Variants in EFHC2 observed in about 807,000 individuals in gnomAD.
EFHC2 encodes EF-hand domain containing 2, also known as EF-hand domain-containing family member C2.
A neutral mutation model predicts 52.7 loss-of-function variants in EFHC2; 18 were observed. The ratio of observed to expected loss-of-function variants is 0.34; its 90% CI spans 0.24 to 0.51. The LOEUF is 0.51. Ranked by LOEUF, EFHC2 falls within the 20% of genes least tolerant of loss-of-function variation. The pLI, the probability that EFHC2 is intolerant of heterozygous loss-of-function variation, is 0.97. For missense variants in EFHC2, 513 were observed against 562.5 expected (o/e 0.91, Z 0.89); for synonymous variants, 203 against 204.1 (o/e 0.99, Z 0.04).
intron 11 of EFHC2, among the ~76,000 whole-genome samples, chrX:44,227,077 T>C (rs2037238899): frequency 9.1e-6 from 1 of 109,838 alleles, no homozygotes; most frequent in Non-Finnish European, 1.9e-5. Flanking sequence ...AACACCCTAT[T>C]GTTTGCCAGA....
chrX:44,340,007 T>C (rs146598098), intron 1 of EFHC2, among the ~76,000 whole-genome samples: 29 of 111,690 alleles, frequency 2.6e-4, no homozygotes, highest in African/African-American at 9.1e-4. Flanking sequence ...GGTACTGTCA[T>C]TCTCTAGTAC....
intron 12 of EFHC2, among the ~76,000 whole-genome samples, chrX:44,176,769 A>G (rs2147278464): frequency 8.9e-6 from 1 of 112,308 alleles, no homozygotes; most frequent in Admixed American, 9.4e-5. Flanking sequence ...AGCCTCCAAC[A>G]CAAGTATGAT....
chrX:44,152,175 C>G (rs1246011362), intron 14 of EFHC2, among the ~76,000 whole-genome samples: 2 of 111,572 alleles, frequency 1.8e-5, no homozygotes, highest in Non-Finnish European at 3.8e-5. Flanking sequence ...TACTACATGG[C>G]TGATACTCTT....
At chrX:44,247,950 C>T (rs1446031663) in intron 7 of EFHC2, among the ~76,000 whole-genome samples, 2 of 111,654 alleles carry the variant, frequency 1.8e-5, no homozygotes, top group Middle Eastern at 4.2e-3. Context: ...ATTTCCATTT[C>T]GATTGCTAAA....
chrX:44,198,485 A>G, intron 11 of EFHC2, among the ~76,000 whole-genome samples: 1 of 111,687 alleles, frequency 9.0e-6, no homozygotes, highest in Middle Eastern at 4.6e-3. Context: ...TCTAGTCAGT[A>G]TTTTCCCCAG....
intron 2 of EFHC2, among the ~76,000 whole-genome samples, chrX:44,292,209 T>TAC (rs747764616): frequency 0.021 from 2,306 of 109,525 alleles, 60 homozygotes; most frequent in African/African-American, 0.071. Flanking sequence ...ATTTATCACA[T>TAC]ACACACACAC....
At chrX:44,165,173 C>T (rs968164421) in intron 13 of EFHC2, among the ~76,000 whole-genome samples, 3 of 111,662 alleles carry the variant, frequency 2.7e-5, no homozygotes, top group African/African-American at 9.7e-5. Context: ...AAAGATTTTT[C>T]TCTTTTCTTC....
At chrX:44,258,283 T>C (rs2037508490) in intron 4 of EFHC2, among the ~76,000 whole-genome samples, 2 of 110,912 alleles carry the variant, frequency 1.8e-5, no homozygotes, top group South Asian at 7.5e-4. Context: ...AATTGACAAA[T>C]GGGATCTAAT....
intron 11 of EFHC2, among the ~76,000 whole-genome samples, chrX:44,211,489 T>C (rs1349579688): frequency 2.7e-5 from 3 of 110,435 alleles, no homozygotes; most frequent in African/African-American, 9.9e-5. Context: ...GATCGCACCA[T>C]TGCACTCCAG....
At chrX:44,317,969 T>G (rs1277421970) in intron 1 of EFHC2, among the ~76,000 whole-genome samples, 1 of 112,468 alleles carries the variant, frequency 8.9e-6, no homozygotes, top group Non-Finnish European at 1.9e-5. Flanking sequence ...GTTTGGCAGT[T>G]TCTCATTAAG....
chrX:44,195,946 A>G (rs1311925967), intron 11 of EFHC2, among the ~76,000 whole-genome samples: 1 of 111,106 alleles, frequency 9.0e-6, no homozygotes, highest in African/African-American at 3.3e-5. Flanking sequence ...ACAGGGTCTC[A>G]CTCTGTTGTC....
chrX:44,153,786 T>C (rs752421404), intron 14 of EFHC2, among the ~76,000 whole-genome samples: 1 of 112,474 alleles, frequency 8.9e-6, no homozygotes, highest in South Asian at 3.7e-4. Context: ...ACTGCCTAAT[T>C]GTACTTCCTA....
At chrX:44,261,816 T>A (rs1364224634) in intron 3 of EFHC2, among the ~76,000 whole-genome samples, 1 of 108,782 alleles carries the variant, frequency 9.2e-6, no homozygotes, top group Non-Finnish European at 1.9e-5. Context: ...AACATTGACT[T>A]AGAAGTTTCA....
intron 1 of EFHC2, among the ~76,000 whole-genome samples, chrX:44,322,430 C>A (rs2038027100): frequency 8.9e-6 from 1 of 111,989 alleles, no homozygotes; most frequent in African/African-American, 3.2e-5. Context: ...TTTCCCTGTT[C>A]ATGTTACCTG....
At chrX:44,149,313 C>G (rs1057014788) in intron 14 of EFHC2, among the ~76,000 whole-genome samples, 2 of 111,450 alleles carry the variant, frequency 1.8e-5, no homozygotes, top group African/African-American at 3.3e-5. Context: ...TTAGAATGAC[C>G]AAGGTGGATC....
chrX:44,258,178 A>G (rs942056582), intron 4 of EFHC2, among the ~76,000 whole-genome samples: 8 of 112,214 alleles, frequency 7.1e-5, no homozygotes, highest in African/African-American at 2.6e-4. Context: ...AAATCATAAA[A>G]ACTCTAAAGA....
intron 3 of EFHC2, among the ~76,000 whole-genome samples, chrX:44,261,754 CAAA>C (rs769527844): frequency 1.2e-4 from 4 of 32,482 alleles, no homozygotes; most frequent in Admixed American, 3.7e-4. Flanking sequence ...ACTCATGGCT[CAAA>C]AAAAAAAAAA....
At chrX:44,255,987 A>AG (rs753784824) in intron 4 of EFHC2, among the ~76,000 whole-genome samples, 1 of 112,044 alleles carries the variant, frequency 8.9e-6, no homozygotes, top group African/African-American at 3.2e-5. Flanking sequence ...AAACCGCACA[A>AG]TTGCATGCAA....
chrX:44,231,861 T>A lies in EFHC2; in HGVS notation c.1620+620A>T, dbSNP rs372910761. 1.2e-4 allele frequency among the ~76,000 whole-genome samples: 13 copies of A among 112,407 alleles called. No individual in the cohort carries two copies. In the South Asian group the frequency reaches 4.8e-3, roughly 42 times the overall value. ...AACTAGTCCACATTTAAAATCAAGA[T>A]TTTATCAATATGTTATTTTTACCGA... On this transcript the variant is annotated intron_variant, in intron 10 of 14. Transcript: ENST00000420999.
Sources: allele counts gnomAD v4.1 joint callset (sites outside exome capture counted in the v4.1 genomes callset), GRCh38; gene constraint gnomAD v4.1.1; transcripts MANE v1.5; gene names NCBI Gene and HGNC (gene_info 2026-07-23, HGNC 2026-07-21).